The following USP49 variants were observed in gnomAD, a reference collection of about 807,000 sequenced individuals.
USP49 encodes the protein ubiquitin specific peptidase 49.
USP49 carries 24 observed loss-of-function variants against 58.6 expected under a neutral mutation model. That is an observed-to-expected ratio of 0.41 (90% confidence interval 0.30 to 0.58). The LOEUF is 0.58. Ranked by LOEUF, USP49 falls within the 20% of genes least tolerant of loss-of-function variation. The probability of loss-of-function intolerance (pLI) is 0.30; values close to 1 mark genes in which losing one functional copy is unlikely to be tolerated. For synonymous variants in USP49, 408 were observed against 365.1 expected (o/e 1.12, Z -1.34); for missense variants, 703 against 866.1 (o/e 0.81, Z 2.36).
At chr6:41,826,818 G>A (rs1052311501) in intron 3 of USP49, among the ~76,000 whole-genome samples, 3 of 152,158 alleles carry the variant, frequency 2.0e-5, no homozygotes, top group African/African-American at 2.4e-5. Context: ...TCCTGTGGAG[G>A]ACTGTGGAGG....
chr6:41,888,355 C>T (rs529697806), intron 2 of USP49, among the ~76,000 whole-genome samples: 5 of 151,852 alleles, frequency 3.3e-5, no homozygotes, highest in African/African-American at 1.2e-4. Flanking sequence ...TGTGCCTGGC[C>T]TACAATCAGC....
At chr6:41,860,667 C>A (rs1774204647) in intron 3 of USP49, among the ~76,000 whole-genome samples, 1 of 116,716 alleles carries the variant, frequency 8.6e-6, no homozygotes, top group Non-Finnish European at 1.9e-5. Context: ...ACCATCACAC[C>A]CAGCTAATTT....
chr6:41,844,910 TTG>T (rs1773895048), intron 3 of USP49, among the ~76,000 whole-genome samples: 1 of 152,240 alleles, frequency 6.6e-6, no homozygotes, highest in African/African-American at 2.4e-5. Flanking sequence ...TGGTTTTGTT[TTG>T]TGTTTTGAGA....
chr6:41,799,286 T>G (rs764535546), intron 6 of USP49, among the ~76,000 whole-genome samples: 1 of 151,996 alleles, frequency 6.6e-6, no homozygotes, highest in Non-Finnish European at 1.5e-5. Flanking sequence ...TTGCATTTTT[T>G]GTAGAGACAG....
intron 2 of USP49, among the ~76,000 whole-genome samples, chr6:41,882,372 G>A (rs1410301469): frequency 6.6e-6 from 1 of 152,108 alleles, no homozygotes; most frequent in East Asian, 1.9e-4. Context: ...CAAATCAACT[G>A]GAAGGTTCAG....
chr6:41,873,166 G>T, intron 2 of USP49, among the ~76,000 whole-genome samples: 1 of 152,178 alleles, frequency 6.6e-6, no homozygotes, highest in Non-Finnish European at 1.5e-5. Flanking sequence ...GGGATTAGGT[G>T]GGGGTGAAGC....
intron 5 of USP49, among the ~76,000 whole-genome samples, chr6:41,800,180 A>T (rs1343438902): frequency 6.6e-6 from 1 of 152,204 alleles, no homozygotes; most frequent in East Asian, 1.9e-4. Flanking sequence ...CTCTGCTTAG[A>T]CAGGGCTGAC....
intron 1 of USP49, chr6:41,894,076 T>G (rs763525236): frequency 2.1e-5 from 3 of 145,966 alleles, no homozygotes; most frequent in Non-Finnish European, 4.5e-5. Flanking sequence ...TCTACCCCAG[T>G]TCTACATCCA....
rs193302040 is a variant in USP49 at position 41,808,824 on chromosome 6, C to T, written c.-28-1813G>A. Among the ~76,000 whole-genome samples, 299 of 152,242 alleles carry T rather than the reference C, an allele frequency of 2.0e-3. 1 individual carries two copies. The highest frequency in any genetic ancestry group is 6.8e-3 in the African/African-American group (284 of 41,558). On this transcript the variant is annotated intron_variant, in intron 3 of 7. Coordinates refer to ENST00000682992, the MANE Select transcript of USP49 (RefSeq NM_001286554.2). ...GCTGGGCACCGTGGCTTGCACACTT[C>T]GGGAGGCTGAGGTGGAAGGATTGAG...
intron 4 of USP49, among the ~76,000 whole-genome samples, chr6:41,804,739 GTT>G (rs1007389898): frequency 1.3e-5 from 2 of 151,630 alleles, no homozygotes; most frequent in Non-Finnish European, 2.9e-5. Flanking sequence ...CCCCCACCAC[GTT>G]TTTTTGTTTG....
chr6:41,891,713 A>G (rs943138411), intron 2 of USP49, 81 bp downstream of exon 2: 1 of 152,224 alleles, frequency 6.6e-6, no homozygotes, highest in Non-Finnish European at 1.5e-5. Flanking sequence ...AAATTATTAA[A>G]TGCTTGCAAA....
Position 41,844,152 on chromosome 6 carries a change from C to T in USP49, c.-29+27412G>A, listed in dbSNP as rs183683289. On this transcript the variant is annotated intron_variant, in intron 3 of 7. Coordinates refer to ENST00000682992, the MANE Select transcript of USP49 (RefSeq NM_001286554.2). ...ACAAGAACCGCTTAAACTCAGGAGG[C>T]GGAGGTTATGGGGAGCCGAGATTGT... 3.9e-3 allele frequency among the ~76,000 whole-genome samples: 592 copies of T among 151,002 alleles called. 4 individuals carry two copies. Among genetic ancestry groups the T allele is most frequent in the African/African-American group, 0.014 (574 of 41,118 alleles).
At chr6:41,841,172 T>C (rs1199032351) in intron 3 of USP49, among the ~76,000 whole-genome samples, 1 of 152,178 alleles carries the variant, frequency 6.6e-6, no homozygotes, top group Non-Finnish European at 1.5e-5. Context: ...ACCACACTCT[T>C]GCCTTCTCAC....
rs1249742088 is a variant in USP49 at position 41,791,249 on chromosome 6, G to C, written c.*5284C>G. ...GGGTTTTAAAGCCATAATTATGGTT[G>C]AGTAAGGATTCATTTATTTATTTAT... On this transcript the variant is annotated 3_prime_UTR_variant, in exon 8 of 8. Coordinates refer to ENST00000682992, the MANE Select transcript of USP49 (RefSeq NM_001286554.2). The C allele has an allele frequency of 6.6e-6, 1 of 152,220 alleles. No homozygotes were observed. Among genetic ancestry groups the C allele is most frequent in the Non-Finnish European group, 1.5e-5 (1 of 68,046 alleles). The allele number at this position is 152,220 out of a possible 1,614,324, so 9.4% of individuals were successfully genotyped here. A position where few individuals can be genotyped will look rare whatever the true frequency, so the allele number is the denominator to read the frequency against.
At chr6:41,829,575 A>C (rs1377966944) in intron 3 of USP49, among the ~76,000 whole-genome samples, 5 of 152,154 alleles carry the variant, frequency 3.3e-5, no homozygotes, top group Non-Finnish European at 5.9e-5. Context: ...AGCCTTCCAA[A>C]GTGCTGAGAT....
intron 3 of USP49, among the ~76,000 whole-genome samples, chr6:41,830,815 T>G (rs1258922520): frequency 6.7e-6 from 1 of 150,342 alleles, no homozygotes; most frequent in African/African-American, 2.5e-5. Context: ...AGAGCAAGAC[T>G]CCGTCTCAAG....
At chr6:41,811,542 A>G (rs1773257596) in intron 3 of USP49, among the ~76,000 whole-genome samples, 1 of 152,192 alleles carries the variant, frequency 6.6e-6, no homozygotes, top group Non-Finnish European at 1.5e-5. Context: ...ATATCCCCTA[A>G]GGATAAGGGG....
At chr6:41,886,026 A>G (rs544726720) in intron 2 of USP49, among the ~76,000 whole-genome samples, 1 of 152,366 alleles carries the variant, frequency 6.6e-6, no homozygotes, top group Non-Finnish European at 1.5e-5. Flanking sequence ...TTAAGAGTAT[A>G]TTCAATTCCA....
At chr6:41,848,812 G>A (rs944586926) in intron 3 of USP49, among the ~76,000 whole-genome samples, 30 of 151,000 alleles carry the variant, frequency 2.0e-4, no homozygotes, top group Middle Eastern at 6.8e-3. Context: ...CCAAGATCGC[G>A]CCACTGCACT....
Sources: allele counts gnomAD v4.1 joint callset (sites outside exome capture counted in the v4.1 genomes callset), GRCh38; gene constraint gnomAD v4.1.1; transcripts MANE v1.5; gene names NCBI Gene and HGNC (gene_info 2026-07-23, HGNC 2026-07-21).